DRAM2: variants seen among roughly 807,000 people sequenced by gnomAD.
DRAM2 encodes the protein DNA damage regulated autophagy modulator 2.
DRAM2 carries 26 observed loss-of-function variants against 33.5 expected under a neutral mutation model. That is an observed-to-expected ratio of 0.78 (90% confidence interval 0.57 to 1.08). The LOEUF (loss-of-function observed/expected upper bound fraction) is 1.08. Ranked by LOEUF, DRAM2 falls within the 50% of genes least tolerant of loss-of-function variation. DRAM2 has a pLI of 0.00. For synonymous variants in DRAM2, 98 were observed against 109.5 expected (o/e 0.89, Z 0.66); for missense variants, 311 against 318.1 (o/e 0.98, Z 0.17).
chr1:111,125,618 A>T (rs908730940), intron 5 of DRAM2: 1 of 152,276 alleles, frequency 6.6e-6, no homozygotes, highest in African/African-American at 2.4e-5. Context: ...AACTTCTTTA[A>T]GTTGAATTAT....
At chr1:111,123,376 T>G (rs989008782) in intron 6 of DRAM2, among the ~76,000 whole-genome samples, 1 of 152,196 alleles carries the variant, frequency 6.6e-6, no homozygotes, top group African/African-American at 2.4e-5. Context: ...ACAAAAATTC[T>G]GTCCTTCACC....
chr1:111,125,003 A>G, intron 5 of DRAM2, 122 bp from the exon 6 acceptor site: 1 of 888,914 alleles, frequency 1.1e-6, no homozygotes, highest in South Asian at 1.9e-5. Flanking sequence ...AAAATTAATC[A>G]GAGAGAATAA....
intron 3 of DRAM2, among the ~76,000 whole-genome samples, chr1:111,134,821 G>A (rs1652841497): frequency 6.6e-6 from 1 of 151,858 alleles, no homozygotes. Context: ...ATTTTAAAAG[G>A]CTTAACTAAG....
In DRAM2 at chr1:111,140,074, AG is replaced by A. The variant is rs1390148725; in HGVS notation, c.-282del. 3 of 152,432 alleles carry A rather than the reference AG, an allele frequency of 2.0e-5. No homozygotes were observed. The highest frequency in any genetic ancestry group is 2.9e-5 in the Non-Finnish European group (2 of 68,234). The allele number at this position is 152,432 out of a possible 1,614,324, so 9.4% of individuals were successfully genotyped here. Reference sequence around the variant, plus strand: ...GACTAGCGCTGGCCGCTGGCGCCGAAGCCCCTATGCTAAAAGGAGACAGGGC... The same window carrying A: ...GACTAGCGCTGGCCGCTGGCGCCGAACCCCTATGCTAAAAGGAGACAGGGC... On this transcript the variant is annotated 5_prime_UTR_variant, in exon 1 of 10. Coordinates refer to ENST00000484310, the MANE Select transcript of DRAM2 (RefSeq NM_001349884.2).
At chr1:111,125,016 A>AT in intron 5 of DRAM2, 135 bp from the exon 6 acceptor site, 23 of 840,356 alleles carry the variant, frequency 2.7e-5, no homozygotes, top group East Asian at 1.1e-4. Context: ...GAGAATAAAA[A>AT]GAAAAAAAAA....
At chr1:111,132,622 G>GT (rs1255938932) in intron 3 of DRAM2, among the ~76,000 whole-genome samples, 6 of 151,868 alleles carry the variant, frequency 4.0e-5, no homozygotes, top group Middle Eastern at 3.4e-3. Flanking sequence ...GATCAGAGAA[G>GT]TATTGTGTTG....
intron 6 of DRAM2, among the ~76,000 whole-genome samples, chr1:111,121,458 T>A (rs1263590814): frequency 6.6e-6 from 1 of 152,114 alleles, no homozygotes; most frequent in Admixed American, 6.6e-5. Flanking sequence ...GTCACCCAGT[T>A]TGATATTTTA....
chr1:111,134,065 CA>C (rs1652669717), intron 3 of DRAM2, among the ~76,000 whole-genome samples: 1 of 152,312 alleles, frequency 6.6e-6, no homozygotes, highest in South Asian at 2.1e-4. Flanking sequence ...GCAGCAGGAG[CA>C]GGGGCGGAGA....
rs569997110 is a variant in DRAM2 at position 111,120,427 on chromosome 1, A to C, written c.517+89T>G. ...AAAAAAAAAAAAAAAAAAGACAAAA[A>C]GGCTTCTTATACTGCACCAATAGTG... On this transcript the variant is annotated intron_variant, in intron 7 of 9. Coordinates refer to ENST00000484310, the MANE Select transcript of DRAM2 (RefSeq NM_001349884.2). 8.9e-6 allele frequency: 3 copies of C among 336,444 alleles called. No homozygotes were observed. The Admixed American group carries it at 1.6e-4, about 18-fold the overall frequency. 20.8% of individuals were successfully genotyped at this position (336,444 alleles called of 1,614,324 possible).
Position 111,130,976 on chromosome 1 carries a change from C to T in DRAM2, c.131+448G>A, listed in dbSNP as rs575763674. 1.0e-3 allele frequency among the ~76,000 whole-genome samples: 158 copies of T among 152,038 alleles called. 2 individuals carry two copies. The highest frequency in any genetic ancestry group is 3.4e-3 in the Middle Eastern group (1 of 294). The stretch of plus-strand genomic sequence containing the variant: ...GAGGTGAGCTGAGATCATGCCACTG[C>T]ACTCCAGCCTGGGTGACAGAGCTAG... On this transcript the variant is annotated intron_variant, in intron 4 of 9. Transcript: ENST00000484310.
intron 4 of DRAM2, among the ~76,000 whole-genome samples, chr1:111,129,420 T>C (rs1455360731): frequency 6.6e-6 from 1 of 152,210 alleles, no homozygotes; most frequent in African/African-American, 2.4e-5. Flanking sequence ...TGCTTAATCA[T>C]ATTTAATAAT....
rs575185649 is a variant in DRAM2 at position 111,124,029 on chromosome 1, C to T, written c.339+713G>A. Among the ~76,000 whole-genome samples, 40 of 152,278 alleles carry T rather than the reference C, an allele frequency of 2.6e-4. 1 individual carries two copies. In the South Asian group the frequency reaches 6.0e-3, roughly 23 times the overall value. On this transcript the variant is annotated intron_variant, in intron 6 of 9. Coordinates refer to ENST00000484310, the MANE Select transcript of DRAM2 (RefSeq NM_001349884.2). ...TTATAGCACACAAAACAAACCAAGG[C>T]AGTTTAACCAGAATCCCTTCTTAAC...
At chr1:111,123,416 T>A (rs192381477) in intron 6 of DRAM2, among the ~76,000 whole-genome samples, 1 of 152,346 alleles carries the variant, frequency 6.6e-6, no homozygotes, top group East Asian at 1.9e-4. Flanking sequence ...CTGAACTTTC[T>A]TGTCAACTAG....
Position 111,124,694 on chromosome 1 carries a change from ATATT to A in DRAM2, c.339+44_339+47del, listed in dbSNP as rs550949135. On this transcript the variant is annotated intron_variant, in intron 6 of 9. Coordinates refer to ENST00000484310, the MANE Select transcript of DRAM2 (RefSeq NM_001349884.2). Reference sequence around the variant, plus strand: ...GCTTCAGGTTTCCCTTTTAATATATATATTTATGTACTTAAGGAAAATACCTATG... The same window carrying A: ...GCTTCAGGTTTCCCTTTTAATATATATATGTACTTAAGGAAAATACCTATG... 2.6e-4 allele frequency: 408 copies of A among 1,590,768 alleles called. 8 individuals carry two copies. In the East Asian group the frequency reaches 6.4e-3, roughly 25 times the overall value.
At position 111,137,562 on chromosome 1, in the gene DRAM2, C is replaced by T. The variant is rs191848448; in HGVS notation, c.-54G>A. 8.7e-4 allele frequency: 133 copies of T among 152,306 alleles called. 1 individual carries two copies. The highest frequency in any genetic ancestry group is 3.4e-3 in the Middle Eastern group (1 of 294). 9.4% of individuals were successfully genotyped at this position (152,306 alleles called of 1,614,324 possible). A position where few individuals can be genotyped will look rare whatever the true frequency, so the allele number is the denominator to read the frequency against. Reference sequence around the variant, plus strand: ...CACAAAATGTTAGTCTTCAGACCTGCTCATACCTGCACCTTTTGTAAATCC... The same window carrying T: ...CACAAAATGTTAGTCTTCAGACCTGTTCATACCTGCACCTTTTGTAAATCC... On this transcript the variant is annotated 5_prime_UTR_variant, in exon 3 of 10. Coordinates refer to ENST00000484310, the MANE Select transcript of DRAM2 (RefSeq NM_001349884.2).
At chr1:111,120,864 A>G (rs918300012) in intron 6 of DRAM2, among the ~76,000 whole-genome samples, 171 bp from the exon 7 acceptor site, 1 of 152,110 alleles carries the variant, frequency 6.6e-6, no homozygotes, top group Non-Finnish European at 1.5e-5. Context: ...CATAATACTC[A>G]GTTTAAACCT....
chr1:111,125,017 G>GA (rs146295738), intron 5 of DRAM2, 136 bp from the exon 6 acceptor site: 57,692 of 579,484 alleles, frequency 0.1, 314 homozygotes, highest in East Asian at 0.14. Context: ...AGAATAAAAA[G>GA]AAAAAAAAAA....
At chr1:111,130,424 G>T (rs968235024) in intron 4 of DRAM2, among the ~76,000 whole-genome samples, 2 of 152,210 alleles carry the variant, frequency 1.3e-5, no homozygotes, top group Admixed American at 6.5e-5. Flanking sequence ...CTTTCTACGA[G>T]GCTGGGCACA....
chr1:111,126,708 T>C (rs1428816290), intron 4 of DRAM2, among the ~76,000 whole-genome samples: 4 of 152,164 alleles, frequency 2.6e-5, no homozygotes, highest in Admixed American at 2.6e-4. Context: ...TTAACGCCTA[T>C]TCACCTACTG....
Sources: allele counts gnomAD v4.1 joint callset (sites outside exome capture counted in the v4.1 genomes callset), GRCh38; gene constraint gnomAD v4.1.1; transcripts MANE v1.5; gene names NCBI Gene and HGNC (gene_info 2026-07-23, HGNC 2026-07-21).